Variants in PAQR8 observed in about 807,000 individuals in gnomAD.
The protein encoded by PAQR8 is progestin and adipoQ receptor family member 8.
Under a neutral mutation model 25.2 loss-of-function variants are expected in PAQR8, and 17 were observed. The ratio of observed to expected loss-of-function variants is 0.67; its 90% CI spans 0.46 to 1.01. The LOEUF (loss-of-function observed/expected upper bound fraction) is 1.01, where lower values mean the gene tolerates loss of function less well. PAQR8 is among the 50% of genes least tolerant of loss of function. PAQR8 has a pLI of 0.00. For missense variants in PAQR8, 392 were observed against 448.4 expected, an observed-to-expected ratio of 0.87 and a Z score of 1.14; for synonymous variants, 204 against 190.6, an observed-to-expected ratio of 1.07 and a Z score of -0.58.
Position 52,404,497 on chromosome 6 carries a change from C to T in PAQR8, c.*219C>T, listed in dbSNP as rs1763884603. 10 of 492,838 alleles carry T rather than the reference C, an allele frequency of 2.0e-5. No homozygotes were observed. Among genetic ancestry groups the T allele is most frequent in the Non-Finnish European group, 3.7e-5 (10 of 271,660 alleles). The allele number at this position is 492,838 out of a possible 1,614,324, so 30.5% of individuals were successfully genotyped here. A position where few individuals can be genotyped will look rare whatever the true frequency, so the allele number is the denominator to read the frequency against. The stretch of plus-strand genomic sequence containing the variant: ...TTTTGGATCATAGCTTAACAAGGCA[C>T]AGGAAGGGAAGGGATCTTGACTAAG... On this transcript the variant is annotated 3_prime_UTR_variant, in exon 2 of 2. Transcript: ENST00000442253.
intron 1 of PAQR8, among the ~76,000 whole-genome samples, chr6:52,382,203 G>A (rs936507597): frequency 6.6e-6 from 1 of 152,194 alleles, no homozygotes; most frequent in Non-Finnish European, 1.5e-5. Flanking sequence ...GCAGGAGAAT[G>A]GATGGAAGAA....
rs1763911744 is a variant in PAQR8, at chr6:52,406,506, T to C, written c.*2228T>C. 3 of 413,504 alleles carry C rather than the reference T, an allele frequency of 7.3e-6. No homozygotes were observed. The highest frequency in any genetic ancestry group is 8.8e-6 in the Non-Finnish European group (2 of 226,138). 25.6% of individuals were successfully genotyped at this position (413,504 alleles called of 1,614,324 possible). ...GAGCACAGGAACAGGCATGAAGATA[T>C]TGCCATACAATTTTAATTTATACAA... On this transcript the variant is annotated 3_prime_UTR_variant, in exon 2 of 2. Transcript: ENST00000442253.
chr6:52,386,620 G>A (rs1397193798), intron 1 of PAQR8, among the ~76,000 whole-genome samples: 1 of 152,148 alleles, frequency 6.6e-6, no homozygotes. Context: ...GCTAAACATT[G>A]GGTATACATG....
At chr6:52,367,768 T>G (rs186651435) in intron 1 of PAQR8, among the ~76,000 whole-genome samples, 2 of 152,298 alleles carry the variant, frequency 1.3e-5, no homozygotes, top group East Asian at 3.9e-4. Flanking sequence ...CTGTTCCATG[T>G]GGGCTACACT....
At chr6:52,370,086 C>T (rs1194990973) in intron 1 of PAQR8, among the ~76,000 whole-genome samples, 3 of 149,484 alleles carry the variant, frequency 2.0e-5, no homozygotes, top group East Asian at 2.0e-4. Flanking sequence ...TTTTTTTTTT[C>T]CCCTCTTTAA....
Position 52,406,631 on chromosome 6 carries a change from C to T in PAQR8, c.*2353C>T, listed in dbSNP as rs1172791261. 24 of 409,240 alleles carry T rather than the reference C, an allele frequency of 5.9e-5. No individual in the cohort carries two copies. The South Asian group carries it at 1.7e-3, about 28-fold the overall frequency. The allele number at this position is 409,240 out of a possible 1,614,324, so 25.4% of individuals were successfully genotyped here. On this transcript the variant is annotated 3_prime_UTR_variant, in exon 2 of 2. Transcript: ENST00000442253. The stretch of plus-strand genomic sequence containing the variant: ...AGGCTGGAGTGCAGTGATGCAATCA[C>T]GGCTCACTGCAGCCTCGACCTCCCC...
chr6:52,394,988 C>T (rs914083977), intron 1 of PAQR8, among the ~76,000 whole-genome samples: 4 of 151,838 alleles, frequency 2.6e-5, no homozygotes, highest in African/African-American at 4.8e-5. Context: ...AGATCCCGGC[C>T]GGGCACAGTG....
intron 1 of PAQR8, among the ~76,000 whole-genome samples, chr6:52,386,986 T>C (rs1283150309): frequency 6.6e-6 from 1 of 152,230 alleles, no homozygotes; most frequent in African/African-American, 2.4e-5. Context: ...GATTGACTTT[T>C]CAAATGAAGC....
In PAQR8 at chr6:52,406,332, C is replaced by G. The variant is rs1288103919; in HGVS notation, c.*2054C>G. On this transcript the variant is annotated 3_prime_UTR_variant, in exon 2 of 2. Transcript: ENST00000442253. ...AGAAGGGAAGAAGGTGTAAGTCAAG[C>G]TCTTGAATATAACTGGTGGTATTGT... The G allele has an allele frequency of 2.4e-6, 1 of 410,786 alleles. No homozygotes were observed. The highest frequency in any genetic ancestry group is 2.1e-5 in the African/African-American group (1 of 48,592). 25.4% of individuals were successfully genotyped at this position (410,786 alleles called of 1,614,324 possible).
Position 52,378,972 on chromosome 6 carries a change from C to T in PAQR8, c.-53+16723C>T, listed in dbSNP as rs562836860. 2.0e-5 allele frequency among the ~76,000 whole-genome samples: 3 copies of T among 151,772 alleles called. No individual in the cohort carries two copies. In the East Asian group the frequency reaches 5.8e-4, roughly 29 times the overall value. On this transcript the variant is annotated intron_variant, in intron 1 of 1. Transcript: ENST00000442253. ...ATTAGCCAGGCATGGTGGTGGGCGC[C>T]TGTAGTCCCAGCTACTCGGGAAGCT... is the stretch of plus-strand genomic sequence containing the variant.
Position 52,383,660 on chromosome 6 carries a change from C to CAAAAA in PAQR8, c.-52-19489_-52-19485dup, listed in dbSNP as rs57004196. Among the ~76,000 whole-genome samples the CAAAAA allele has an allele frequency of 3.1e-5, 4 of 128,064 alleles. 1 individual carries two copies. Among genetic ancestry groups the CAAAAA allele is most frequent in the South Asian group, 2.5e-4 (1 of 4,046 alleles). The allele number at this position is 128,064 out of a possible 152,430, so 84.0% of individuals were successfully genotyped here. On this transcript the variant is annotated intron_variant, in intron 1 of 1. Coordinates refer to ENST00000442253, the MANE Select transcript of PAQR8 (RefSeq NM_133367.5). ...TGGGCGACAGAGCGAGAGTCCGTCT[C>CAAAAA]AAAAAAAAAAAAAAAAACCAGGAAT...
chr6:52,389,267 C>A (rs1763668650), intron 1 of PAQR8, among the ~76,000 whole-genome samples: 1 of 152,152 alleles, frequency 6.6e-6, no homozygotes, highest in South Asian at 2.1e-4. Context: ...TGGTTTTTAC[C>A]TTTAGAAGCA....
At chr6:52,391,656 C>A (rs1763711018) in intron 1 of PAQR8, among the ~76,000 whole-genome samples, 1 of 152,218 alleles carries the variant, frequency 6.6e-6, no homozygotes, top group African/African-American at 2.4e-5. Flanking sequence ...GTTTCCAACT[C>A]CACCTCTGGC....
Position 52,366,841 on chromosome 6 carries a change from C to G in PAQR8, c.-53+4592C>G, listed in dbSNP as rs1014681019. Among the ~76,000 whole-genome samples, 5 of 152,120 alleles carry G rather than the reference C, an allele frequency of 3.3e-5. No homozygotes were observed. The South Asian group carries it at 1.0e-3, about 32-fold the overall frequency. On this transcript the variant is annotated intron_variant, in intron 1 of 1. Transcript: ENST00000442253. Reference sequence around the variant, plus strand: ...CTCGGCTCACTGCAACCTCCATCTCCTGGGTTCAAGCAATTATCCTGCCTC... The same window carrying G: ...CTCGGCTCACTGCAACCTCCATCTCGTGGGTTCAAGCAATTATCCTGCCTC...
intron 1 of PAQR8, among the ~76,000 whole-genome samples, chr6:52,400,900 C>T (rs189426278): frequency 1.2e-4 from 19 of 152,332 alleles, no homozygotes; most frequent in Admixed American, 3.9e-4. Flanking sequence ...GCACAGAGCC[C>T]AGCTCATAGC....
At chr6:52,386,193 AT>A (rs200170152) in intron 1 of PAQR8, among the ~76,000 whole-genome samples, 1 of 148,044 alleles carries the variant, frequency 6.8e-6, no homozygotes, top group African/African-American at 2.5e-5. Flanking sequence ...TTAAAAAAAA[AT>A]AACAGGTGTT....
chr6:52,385,420 T>C (rs1763620292), intron 1 of PAQR8, among the ~76,000 whole-genome samples: 1 of 152,194 alleles, frequency 6.6e-6, no homozygotes, highest in Non-Finnish European at 1.5e-5. Context: ...AATAGACTAA[T>C]ACAATGTAAG....
intron 1 of PAQR8, among the ~76,000 whole-genome samples, chr6:52,391,653 A>G (rs1763710938): frequency 6.6e-6 from 1 of 152,138 alleles, no homozygotes; most frequent in Non-Finnish European, 1.5e-5. Context: ...ACTGTTTCCA[A>G]CTCCACCTCT....
chr6:52,393,685 A>C (rs1287606275), intron 1 of PAQR8, among the ~76,000 whole-genome samples: 1 of 152,204 alleles, frequency 6.6e-6, no homozygotes, highest in East Asian at 1.9e-4. Flanking sequence ...ATTTCTTGGA[A>C]TATCAATGTG....
Sources: allele counts gnomAD v4.1 joint callset (sites outside exome capture counted in the v4.1 genomes callset), GRCh38; gene constraint gnomAD v4.1.1; transcripts MANE v1.5; gene names NCBI Gene and HGNC (gene_info 2026-07-23, HGNC 2026-07-21).